DLC1: variants seen among roughly 807,000 people sequenced by gnomAD.
DLC1 encodes rho GTPase-activating protein 7.
DLC1 carries 54 observed loss-of-function variants against 140.3 expected under a neutral mutation model. That is an observed-to-expected ratio of 0.38 (90% CI 0.31 to 0.48). DLC1 has a LOEUF of 0.48. DLC1 is among the 20% of genes least tolerant of loss of function. The pLI, the probability that DLC1 is intolerant of heterozygous loss-of-function variation, is 0.96. For synonymous variants in DLC1, 986 were observed against 728.1 expected, an observed-to-expected ratio of 1.35 and a Z score of -5.70; for missense variants, 2,536 against 1,907.0, an observed-to-expected ratio of 1.33 and a Z score of -6.14.
chr8:13,335,594 C>T (rs904157812), intron 4 of DLC1, among the ~76,000 whole-genome samples: 4 of 152,126 alleles, frequency 2.6e-5, no homozygotes, highest in African/African-American at 9.7e-5. Context: ...TCCTCATTTT[C>T]CTCATGGTAA....
intron 5 of DLC1, among the ~76,000 whole-genome samples, chr8:13,137,754 C>T (rs377154857): frequency 7.2e-5 from 11 of 151,788 alleles, no homozygotes; most frequent in Admixed American, 2.6e-4. Context: ...CCTGCCACCA[C>T]GCCTGGCTAC....
chr8:13,372,505 G>A (rs186415763), intron 4 of DLC1, among the ~76,000 whole-genome samples: 22 of 152,236 alleles, frequency 1.4e-4, no homozygotes, highest in Non-Finnish European at 2.4e-4. Flanking sequence ...CTTCAGAGAC[G>A]CCAACACAGT....
In DLC1 at chr8:13,523,016, G is replaced by A. The variant is rs117133060; in HGVS notation, c.-125-22820C>T. ...AGAGAGAGGGAGAATATCTCAAGTT[G>A]TTAAGGAAAGAAGGTTAGGTAGTGT... On this transcript the variant is annotated intron_variant, in intron 1 of 1. Coordinates refer to the DLC1 transcript ENST00000631382. Among the ~76,000 whole-genome samples the A allele has an allele frequency of 6.9e-3, 1,048 of 152,274 alleles. 7 individuals are homozygous for A. The highest frequency in any genetic ancestry group is 0.031 in the Middle Eastern group (9 of 294).
intron 1 of DLC1, among the ~76,000 whole-genome samples, chr8:13,582,056 A>T (rs1169415635): frequency 6.6e-6 from 1 of 152,162 alleles, no homozygotes; most frequent in Non-Finnish European, 1.5e-5. Flanking sequence ...GGATTGGAGA[A>T]AAAACAAAGT....
chr8:13,306,127 C>T (rs1447789465), intron 4 of DLC1, among the ~76,000 whole-genome samples: 1 of 152,120 alleles, frequency 6.6e-6, no homozygotes, highest in Non-Finnish European at 1.5e-5. Context: ...ATAAAGCGTA[C>T]CAGATCTTCA....
chr8:13,276,271 G>A, intron 5 of DLC1: 1 of 1,535,108 alleles, frequency 6.5e-7, no homozygotes, highest in South Asian at 1.2e-5. Context: ...CCTGCCAGCC[G>A]TCTGTCTCTA....
intron 2 of DLC1, among the ~76,000 whole-genome samples, chr8:13,477,856 A>G (rs1585175291): frequency 7.8e-6 from 1 of 127,564 alleles, no homozygotes; most frequent in African/African-American, 2.7e-5. Context: ...AAATCGTTAG[A>G]AAAAAAAAAT....
At chr8:13,442,775 C>T (rs1171725546) in intron 2 of DLC1, among the ~76,000 whole-genome samples, 2 of 152,316 alleles carry the variant, frequency 1.3e-5, no homozygotes, top group Admixed American at 1.3e-4. Flanking sequence ...ACTAGTTCAA[C>T]CATTGTGGAA....
At chr8:13,251,147 C>G (rs1209233184) in intron 5 of DLC1, among the ~76,000 whole-genome samples, 1 of 152,172 alleles carries the variant, frequency 6.6e-6, no homozygotes, top group Non-Finnish European at 1.5e-5. Context: ...CCTACTGGCT[C>G]TTTCTCTTCT....
chr8:13,310,868 CATTT>C (rs1392240988), intron 4 of DLC1, among the ~76,000 whole-genome samples: 1 of 152,144 alleles, frequency 6.6e-6, no homozygotes, highest in Admixed American at 6.5e-5. Flanking sequence ...AGAGATCATT[CATTT>C]GTGTTTCCCA....
At chr8:13,350,086 T>C (rs938973781) in intron 4 of DLC1, among the ~76,000 whole-genome samples, 1 of 152,220 alleles carries the variant, frequency 6.6e-6, no homozygotes, top group Non-Finnish European at 1.5e-5. Context: ...AAGATGATCC[T>C]GGCCAGATCA....
At chr8:13,366,278 A>G (rs1008140522) in intron 4 of DLC1, among the ~76,000 whole-genome samples, 2 of 152,134 alleles carry the variant, frequency 1.3e-5, no homozygotes. Flanking sequence ...CTGGATTGTA[A>G]TCTACTTTAA....
intron 4 of DLC1, among the ~76,000 whole-genome samples, chr8:13,312,981 A>T (rs1276151161): frequency 6.6e-6 from 1 of 152,226 alleles, no homozygotes; most frequent in East Asian, 1.9e-4. Flanking sequence ...TCAACTAGCA[A>T]TTTATCTCCC....
intron 5 of DLC1, among the ~76,000 whole-genome samples, chr8:13,181,822 C>A (rs1437418648): frequency 6.6e-6 from 1 of 152,074 alleles, no homozygotes; most frequent in Non-Finnish European, 1.5e-5. Flanking sequence ...TTTATAGTAG[C>A]ATGATTTATA....
chr8:13,182,784 G>C (rs1207618219), intron 5 of DLC1, among the ~76,000 whole-genome samples: 1 of 152,198 alleles, frequency 6.6e-6, no homozygotes, highest in Non-Finnish European at 1.5e-5. Context: ...TTTTTGCTTA[G>C]GATTGTCTTG....
intron 1 of DLC1, among the ~76,000 whole-genome samples, chr8:13,555,161 A>C (rs1370967136): frequency 6.6e-6 from 1 of 152,138 alleles, no homozygotes; most frequent in African/African-American, 2.4e-5. Context: ...ACTTTCCTTG[A>C]CCACTGAATT....
chr8:13,229,392 T>C (rs1828943119), intron 5 of DLC1, among the ~76,000 whole-genome samples: 2 of 152,106 alleles, frequency 1.3e-5, no homozygotes, highest in African/African-American at 4.8e-5. Flanking sequence ...GACTAATCCA[T>C]AGAGGCAGAA....
At chr8:13,103,877 AG>A (rs1011589790) in intron 7 of DLC1, among the ~76,000 whole-genome samples, 3 of 150,788 alleles carry the variant, frequency 2.0e-5, no homozygotes, top group African/African-American at 7.3e-5. Context: ...AGAAAAGAAA[AG>A]TTTGTGATGT....
intron 5 of DLC1, among the ~76,000 whole-genome samples, chr8:13,254,350 G>T (rs1451015863): frequency 6.6e-6 from 1 of 152,142 alleles, no homozygotes; most frequent in Non-Finnish European, 1.5e-5. Flanking sequence ...GCCTTTCCCA[G>T]TTGTAGCCTG....
Sources: allele counts gnomAD v4.1 joint callset (sites outside exome capture counted in the v4.1 genomes callset), GRCh38; gene constraint gnomAD v4.1.1; transcripts MANE v1.5; gene names NCBI Gene and HGNC (gene_info 2026-07-23, HGNC 2026-07-21).